Variants in NUDCD3 observed in about 807,000 individuals in gnomAD.
NUDCD3 encodes the protein NudC domain containing 3.
Under a neutral mutation model 39.7 loss-of-function variants are expected in NUDCD3, and 13 were observed. The observed-to-expected ratio is 0.33, with a 90% CI of 0.21 to 0.52. The LOEUF is 0.52. NUDCD3 is among the 20% of genes least tolerant of loss of function. The pLI is 0.96. For missense variants in NUDCD3, 453 were observed against 458.1 expected, an observed-to-expected ratio of 0.99 and a Z score of 0.10; for synonymous variants, 175 against 172.4, an observed-to-expected ratio of 1.02 and a Z score of -0.12.
rs531669728 is a variant in NUDCD3 at position 44,433,608 on chromosome 7, T to C, written c.510-5905A>G. On this transcript the variant is annotated intron_variant, in intron 2 of 5. Coordinates refer to ENST00000355451, the MANE Select transcript of NUDCD3 (RefSeq NM_015332.4). Reference sequence around the variant, plus strand: ...GTATAGTATGGGCACGCAGTATATATGTGTGTGATGTACGTGCCATGGGTA... The same window carrying C: ...GTATAGTATGGGCACGCAGTATATACGTGTGTGATGTACGTGCCATGGGTA... 3.4e-3 allele frequency among the ~76,000 whole-genome samples: 516 copies of C among 152,266 alleles called. 4 individuals carry two copies. The highest frequency in any genetic ancestry group is 0.012 in the African/African-American group (500 of 41,542).
chr7:44,396,087 TTGTGTGTGTGTGTGTGTGTG>T (rs10585173), intron 4 of NUDCD3, among the ~76,000 whole-genome samples: 20 of 144,908 alleles, frequency 1.4e-4, no homozygotes, highest in African/African-American at 5.2e-4. Context: ...TTATCTTCTG[TTGTGTGTGTGTGTGTGTGTG>T]TGTGTGTGTG....
chr7:44,392,421 T>C lies in NUDCD3; in HGVS notation c.851A>G (p.Asp284Gly). 5 of 1,614,168 alleles carry C rather than the reference T, an allele frequency of 3.1e-6. No homozygotes were observed. Among genetic ancestry groups the C allele is most frequent in the Non-Finnish European group, 4.2e-6 (5 of 1,180,022 alleles). ...GCGCTCCTTGTTGATCTTGTCAATG[T>C]CGATGGGCTCTTCTCCCTCCAGGAT... ...NAILEGEEPI[D>G]IDKINKERSM... is the part of the protein sequence containing the mutation. Residue 284 changes from aspartate (D) to glycine (G), a missense_variant, in exon 5 of 6, where the codon GAC becomes GGC. Asp to Gly is a moderately conservative substitution (Grantham distance 94, BLOSUM62 -1). Transcript: ENST00000355451.
At chr7:44,405,964 T>G (rs534832913) in intron 3 of NUDCD3, among the ~76,000 whole-genome samples, 2 of 152,090 alleles carry the variant, frequency 1.3e-5, no homozygotes, top group Non-Finnish European at 2.9e-5. Flanking sequence ...GCCTGGCTAA[T>G]TTTATTTTTA....
chr7:44,427,767 C>A, intron 2 of NUDCD3, 64 bp from the exon 3 acceptor site: 3 of 1,552,792 alleles, frequency 1.9e-6, no homozygotes, highest in Non-Finnish European at 2.6e-6. Flanking sequence ...CCATGGGCAG[C>A]CTAGCCCATG....
chr7:44,480,464 T>C (rs1336568439), intron 2 of NUDCD3, among the ~76,000 whole-genome samples: 4 of 152,200 alleles, frequency 2.6e-5, no homozygotes, highest in African/African-American at 9.7e-5. Flanking sequence ...TATTAGACTA[T>C]ATAGTTTGAA....
At chr7:44,443,192 C>T (rs1179066028) in intron 2 of NUDCD3, among the ~76,000 whole-genome samples, 1 of 151,928 alleles carries the variant, frequency 6.6e-6, no homozygotes, top group Non-Finnish European at 1.5e-5. Context: ...GTTTCTAACA[C>T]ACTCTGCATA....
chr7:44,490,513 G>C lies in NUDCD3; in HGVS notation c.88C>G (p.Leu30Val). The change falls in exon 1 of 6, where the codon CTC (leucine) becomes GTC (valine). Residue 30 changes from leucine to valine, a missense_variant. Transcript: ENST00000355451. ...VGNVQDFLRV[L>V]FGFLYRKTDF... The stretch of plus-strand genomic sequence containing the variant: ...GTCTTGCGGTAGAGGAAGCCAAAGA[G>C]AACGCGCAGGAAATCCTGGACGTTG... 1 of 1,611,710 alleles carries C rather than the reference G, an allele frequency of 6.2e-7. No homozygotes were observed. The highest frequency in any genetic ancestry group is 8.5e-7 in the Non-Finnish European group (1 of 1,179,044).
rs937431868 is a variant in NUDCD3 at position 44,455,420 on chromosome 7, G to A, written c.510-27717C>T. Among the ~76,000 whole-genome samples, 8 of 151,924 alleles carry A rather than the reference G, an allele frequency of 5.3e-5. No homozygotes were observed. In the South Asian group the frequency reaches 6.2e-4, roughly 12 times the overall value. ...GTAGTCCTCACTTCTTCCCATCACTGCACATCTCCCAGCTCACTGCATCCT... is the reference window on the plus strand; with the variant it reads ...GTAGTCCTCACTTCTTCCCATCACTACACATCTCCCAGCTCACTGCATCCT... On this transcript the variant is annotated intron_variant, in intron 2 of 5. Transcript: ENST00000355451.
chr7:44,392,049 C>A (rs111615374), intron 5 of NUDCD3, among the ~76,000 whole-genome samples: 1 of 152,234 alleles, frequency 6.6e-6, no homozygotes, highest in African/African-American at 2.4e-5. Flanking sequence ...TGACACCCTT[C>A]GAGGTCCTGT....
chr7:44,471,267 G>GCTTTATAATATATGTATTAA (rs1177127303), intron 2 of NUDCD3, among the ~76,000 whole-genome samples: 1 of 152,100 alleles, frequency 6.6e-6, no homozygotes, highest in Non-Finnish European at 1.5e-5. Flanking sequence ...ATCATCTTTA[G>GCTTTATAATATATGTATTAA]CTTTATAATA....
chr7:44,430,599 CACACAA>C (rs1799344979), intron 2 of NUDCD3, among the ~76,000 whole-genome samples: 5 of 151,120 alleles, frequency 3.3e-5, no homozygotes, highest in African/African-American at 9.8e-5. Context: ...CACACACACA[CACACAA>C]AAGACCAACA....
At chr7:44,484,256 T>G (rs907986287) in intron 2 of NUDCD3, among the ~76,000 whole-genome samples, 2 of 152,176 alleles carry the variant, frequency 1.3e-5, no homozygotes, top group African/African-American at 2.4e-5. Context: ...TCACTCAGAC[T>G]GTAAGGAAGG....
intron 3 of NUDCD3, among the ~76,000 whole-genome samples, chr7:44,423,163 T>C (rs2116896080): frequency 6.6e-6 from 1 of 152,300 alleles, no homozygotes; most frequent in South Asian, 2.1e-4. Flanking sequence ...GAGCTATTTA[T>C]GATAAACCCA....
At chr7:44,391,339 G>A (rs1273313830) in intron 5 of NUDCD3, among the ~76,000 whole-genome samples, 1 of 152,118 alleles carries the variant, frequency 6.6e-6, no homozygotes, top group African/African-American at 2.4e-5. Flanking sequence ...GGATGCACCT[G>A]TCTGTGAAAA....
At position 44,463,336 on chromosome 7, in the gene NUDCD3, G is replaced by T. The variant is rs138109060; in HGVS notation, c.509+21632C>A. The stretch of plus-strand genomic sequence containing the variant: ...GACACTTGGTTTGGGAGGACAAGCT[G>T]GTGACACCCACAGAGGGCACGGAGC... On this transcript the variant is annotated intron_variant, in intron 2 of 5. Transcript: ENST00000355451. Among the ~76,000 whole-genome samples the T allele has an allele frequency of 6.8e-4, 103 of 152,294 alleles. 2 individuals carry two copies. The East Asian group carries it at 0.016, about 23-fold the overall frequency.
intron 4 of NUDCD3, among the ~76,000 whole-genome samples, chr7:44,395,303 G>A (rs1798603072): frequency 6.6e-6 from 1 of 152,152 alleles, no homozygotes; most frequent in Non-Finnish European, 1.5e-5. Context: ...TCTCCAAGGG[G>A]GCCATCCTCA....
chr7:44,395,966 G>C (rs1253618951), intron 4 of NUDCD3, among the ~76,000 whole-genome samples: 1 of 152,144 alleles, frequency 6.6e-6, no homozygotes, highest in Non-Finnish European at 1.5e-5. Context: ...TAATTCTACA[G>C]TTAACTTTTT....
chr7:44,480,941 CAAAAAAA>C (rs1164765600), intron 2 of NUDCD3, among the ~76,000 whole-genome samples: 4 of 34,876 alleles, frequency 1.1e-4, no homozygotes, highest in Admixed American at 5.6e-4. Context: ...GACCCAGTAT[CAAAAAAA>C]AAAAAAAAAA....
In NUDCD3 at chr7:44,484,957, G is replaced by C. The variant is rs1254255962; in HGVS notation, c.509+11C>G. Reference sequence around the variant, plus strand: ...CAAGAAAGAAGGAAGCTGCAAAGTAGAAATTCCCACCTGGGAAGAATTGGT... The same window carrying C: ...CAAGAAAGAAGGAAGCTGCAAAGTACAAATTCCCACCTGGGAAGAATTGGT... On this transcript the variant is annotated intron_variant, in intron 2 of 5. Coordinates refer to ENST00000355451, the MANE Select transcript of NUDCD3 (RefSeq NM_015332.4). The C allele has an allele frequency of 1.9e-6, 3 of 1,577,720 alleles. No individual in the cohort carries two copies. The highest frequency in any genetic ancestry group is 3.8e-5 in the Admixed American group (2 of 52,624).
Sources: allele counts gnomAD v4.1 joint callset (sites outside exome capture counted in the v4.1 genomes callset), GRCh38; gene constraint gnomAD v4.1.1; transcripts MANE v1.5; gene names NCBI Gene and HGNC (gene_info 2026-07-23, HGNC 2026-07-21).